RYR2: variants seen among roughly 807,000 people sequenced by gnomAD.
The protein encoded by RYR2 is cardiac muscle ryanodine receptor-calcium release channel.
RYR2 carries 227 observed loss-of-function variants against 601.1 expected under a neutral mutation model. That is an observed-to-expected ratio of 0.38 (90% CI 0.34 to 0.42). RYR2 has a LOEUF of 0.42. RYR2 is among the 10% of genes least tolerant of loss of function. The pLI is 1.00. For missense variants in RYR2, 4,646 were observed against 6,156.5 expected (o/e 0.75, Z 8.21); for synonymous variants, 2,223 against 2,175.1 (o/e 1.02, Z -0.61).
At chr1:237,827,936 C>CAAAAAAA (rs58421624) in intron 101 of RYR2, among the ~76,000 whole-genome samples, 5 of 69,320 alleles carry the variant, frequency 7.2e-5, no homozygotes, top group Admixed American at 2.3e-4. Flanking sequence ...GACTCCGTCT[C>CAAAAAAA]AAAAAAAAAA....
At position 237,707,025 on chromosome 1, in the gene RYR2, G is replaced by A; in HGVS notation, c.9657G>A (p.Val3219=). Residue 3219 remains valine (V), a synonymous_variant, in exon 68 of 105, where the codon GTG becomes GTA. Transcript: ENST00000366574. ...TGGAGAAACTCATGGAAGAAATCGT[G>A]GAATTAGCCGAGTCCGGCATTCGCT... The part of the protein sequence containing the change: ...PSLEKLMEEI[V]ELAESGIRYT... 2 of 1,613,858 alleles carry A rather than the reference G, an allele frequency of 1.2e-6. No homozygotes were observed. The highest frequency in any genetic ancestry group is 1.7e-6 in the Non-Finnish European group (2 of 1,179,848).
At chr1:237,385,130 C>A (rs1435191254) in intron 8 of RYR2, among the ~76,000 whole-genome samples, 1 of 152,056 alleles carries the variant, frequency 6.6e-6, no homozygotes, top group Non-Finnish European at 1.5e-5. Context: ...ACCTCGTGAT[C>A]CACCTGCCTC....
intron 1 of RYR2, among the ~76,000 whole-genome samples, chr1:237,255,509 C>A (rs1417734422): frequency 6.6e-6 from 1 of 152,020 alleles, no homozygotes; most frequent in African/African-American, 2.4e-5. Context: ...AACATAGGAA[C>A]AAAAAAATTT....
intron 22 of RYR2, 65 bp downstream of exon 22, chr1:237,503,570 C>T (rs896320866): frequency 1.2e-5 from 18 of 1,502,712 alleles, no homozygotes; most frequent in Middle Eastern, 4.3e-4. Flanking sequence ...AGTGGCTTTA[C>T]ACTTGGACCA....
chr1:237,107,108 T>G (rs1048069100), intron 1 of RYR2, among the ~76,000 whole-genome samples: 4 of 152,062 alleles, frequency 2.6e-5, no homozygotes, highest in African/African-American at 7.2e-5. Context: ...CCAATAAAAG[T>G]CTTATAAGCA....
intron 3 of RYR2, among the ~76,000 whole-genome samples, chr1:237,354,157 CTTTGGGTA>C (rs1699096433): frequency 6.6e-6 from 1 of 152,166 alleles, no homozygotes; most frequent in Admixed American, 6.6e-5. Context: ...CTAAGCTTTT[CTTTGGGTA>C]TTTGGATATT....
Position 237,784,645 on chromosome 1 carries a change from C to T in RYR2, c.12933C>T (p.Ser4311=). The change falls in exon 90 of 105, where the codon AGC becomes AGT. Residue 4311 remains serine (S), a synonymous_variant. Transcript: ENST00000366574. The surrounding 1 kb of genome is among the most constrained non-coding windows in gnomAD (Gnocchi z 7.1). ...GAGGCTTTTTCCGCATCATTTGCAG[C>T]CTGCTGCTTGGGGGAAGCCTCGTCG... ...VFRGFFRIIC[S]LLLGGSLVEG... 1.2e-6 allele frequency: 2 copies of T among 1,613,512 alleles called. No individual in the cohort carries two copies. The highest frequency in any genetic ancestry group is 4.5e-5 in the East Asian group (2 of 44,842).
At chr1:237,786,087 C>A in intron 91 of RYR2, 51 bp downstream of exon 91, 1 of 1,150,642 alleles carries the variant, frequency 8.7e-7, no homozygotes, top group African/African-American at 1.6e-5. Flanking sequence ...GTCATTACAT[C>A]TCTTTTTCTT....
rs75182757 is a variant in RYR2, at chr1:237,175,588, T to C, written c.49-94909T>C. On this transcript the variant is annotated intron_variant, in intron 1 of 104. Coordinates refer to ENST00000366574, the MANE Select transcript of RYR2 (RefSeq NM_001035.3). ...TTGTAATTGTTTTAGTAGAGATAAC[T>C]GAACCATTGATGTGAACTCTTTGGG... is the stretch of plus-strand genomic sequence containing the variant. 4.0e-3 allele frequency among the ~76,000 whole-genome samples: 614 copies of C among 152,322 alleles called. 5 individuals are homozygous for C. The highest frequency in any genetic ancestry group is 0.014 in the African/African-American group (598 of 41,582).
intron 27 of RYR2, chr1:237,555,145 T>C (rs1670760851): frequency 6.6e-6 from 1 of 152,116 alleles, no homozygotes; most frequent in Non-Finnish European, 1.5e-5. Flanking sequence ...GTTTCACAGC[T>C]TTGAAATGAC....
At chr1:237,347,243 A>G (rs972608189) in intron 3 of RYR2, among the ~76,000 whole-genome samples, 2 of 152,104 alleles carry the variant, frequency 1.3e-5, no homozygotes, top group Non-Finnish European at 2.9e-5. Context: ...GGATCACTAG[A>G]ACCTGGGAGT....
intron 3 of RYR2, among the ~76,000 whole-genome samples, chr1:237,335,623 C>T (rs1697177592): frequency 6.6e-6 from 1 of 152,054 alleles, no homozygotes; most frequent in African/African-American, 2.4e-5. Context: ...GATTGTAGGA[C>T]CCTGTCCTTT....
intron 48 of RYR2, among the ~76,000 whole-genome samples, chr1:237,643,861 G>A (rs1298632412): frequency 1.3e-5 from 2 of 152,128 alleles, no homozygotes; most frequent in African/African-American, 4.8e-5. Context: ...TGATCCGCCT[G>A]CCTTGGCCTC....
intron 1 of RYR2, among the ~76,000 whole-genome samples, chr1:237,204,249 T>C (rs1321332986): frequency 1.3e-5 from 2 of 152,196 alleles, no homozygotes; most frequent in Admixed American, 6.5e-5. Context: ...CCTCAGGTGA[T>C]CCACCCGCCT....
intron 1 of RYR2, among the ~76,000 whole-genome samples, chr1:237,247,004 C>T (rs546686368): frequency 1.2e-4 from 18 of 152,254 alleles, no homozygotes; most frequent in East Asian, 1.9e-4. Flanking sequence ...TATTATTTTG[C>T]GAGTGGCTAT....
rs149759297 is a variant in RYR2, at chr1:237,126,421, G to A, written c.48+83852G>A. On this transcript the variant is annotated intron_variant, in intron 1 of 104. Transcript: ENST00000366574. ...CAGCTGATGACTGGGCATGGTGAGGGGAGCTGGAGCTGAGCCCTCCATGCC... is the reference window on the plus strand; with the variant it reads ...CAGCTGATGACTGGGCATGGTGAGGAGAGCTGGAGCTGAGCCCTCCATGCC... Among the ~76,000 whole-genome samples, 54 of 152,256 alleles carry A rather than the reference G, an allele frequency of 3.5e-4. No homozygotes were observed. In the East Asian group the frequency reaches 7.7e-3, roughly 22 times the overall value.
At chr1:237,461,497 G>A (rs74147280) in intron 16 of RYR2, among the ~76,000 whole-genome samples, 7,510 of 152,088 alleles carry the variant, frequency 0.049, 600 homozygotes, top group African/African-American at 0.17. Context: ...TCTGTATTGC[G>A]TTCTTTTAAT....
At chr1:237,785,912 A>G (rs1206376629) in intron 90 of RYR2, 57 bp from the exon 91 acceptor site, 47 of 1,227,016 alleles carry the variant, frequency 3.8e-5, no homozygotes, top group Middle Eastern at 1.9e-4. Flanking sequence ...GGCTCCCTCA[A>G]TTCATTCAAA....
Position 237,677,387 on chromosome 1 carries a change from G to C in RYR2, c.8831-661G>C, listed in dbSNP as rs146935975. On this transcript the variant is annotated intron_variant, in intron 60 of 104. Transcript: ENST00000366574. ...CCACCTTCTAAGCTAAATGAATTAG[G>C]TTAATCAATTCTTGACCTTGGTAAA... is the stretch of plus-strand genomic sequence containing the variant. 1.4e-4 allele frequency among the ~76,000 whole-genome samples: 22 copies of C among 152,280 alleles called. No individual in the cohort carries two copies. In the East Asian group the frequency reaches 3.9e-3, roughly 27 times the overall value.
Sources: allele counts gnomAD v4.1 joint callset (sites outside exome capture counted in the v4.1 genomes callset), GRCh38; gene constraint gnomAD v4.1.1; non-coding constraint Gnocchi (gnomAD v3.1); transcripts MANE v1.5; gene names NCBI Gene and HGNC (gene_info 2026-07-23, HGNC 2026-07-21).